Variants in MYO1D observed in about 807,000 individuals in gnomAD.
MYO1D encodes the protein myosin ID, also known as unconventional myosin-Id.
Under a neutral mutation model 122.0 loss-of-function variants are expected in MYO1D, and 83 were observed. That is an observed-to-expected ratio of 0.68 (90% CI 0.57 to 0.82). The LOEUF (loss-of-function observed/expected upper bound fraction) is 0.82. Ranked by LOEUF, MYO1D falls within the 40% of genes least tolerant of loss-of-function variation. MYO1D has a pLI of 0.00. For synonymous variants in MYO1D, 464 were observed against 446.9 expected (o/e 1.04, Z -0.48); for missense variants, 1,157 against 1,269.5 (o/e 0.91, Z 1.35).
chr17:32,609,128 C>T (rs1164013103), intron 20 of MYO1D, among the ~76,000 whole-genome samples: 1 of 152,188 alleles, frequency 6.6e-6, no homozygotes, highest in Non-Finnish European at 1.5e-5. Flanking sequence ...ACCACCCATG[C>T]ACGTAAATTA....
intron 13 of MYO1D, among the ~76,000 whole-genome samples, chr17:32,740,786 T>C (rs1297436184): frequency 1.3e-5 from 2 of 152,130 alleles, no homozygotes; most frequent in African/African-American, 4.8e-5. Context: ...GAATGTAATA[T>C]TAACAAAATA....
chr17:32,644,038 C>T (rs557370123), intron 19 of MYO1D, among the ~76,000 whole-genome samples: 11 of 152,138 alleles, frequency 7.2e-5, no homozygotes, highest in Admixed American at 2.0e-4. Context: ...TTCCTGCTTT[C>T]TCTTGTGGGC....
intron 4 of MYO1D, among the ~76,000 whole-genome samples, chr17:32,775,045 A>G (rs1032493741): frequency 5.9e-5 from 9 of 152,308 alleles, no homozygotes; most frequent in Admixed American, 2.0e-4. Flanking sequence ...TCATGCCTGT[A>G]ATCCCAGCAC....
chr17:32,587,055 C>T (rs1002549694), intron 21 of MYO1D, among the ~76,000 whole-genome samples: 8 of 152,176 alleles, frequency 5.3e-5, no homozygotes, highest in Non-Finnish European at 1.2e-4. Context: ...GTCTTTCCTA[C>T]CCTTGTAACA....
chr17:32,679,516 A>G (rs2088875236), intron 16 of MYO1D, among the ~76,000 whole-genome samples: 2 of 152,052 alleles, frequency 1.3e-5, no homozygotes, highest in Admixed American at 6.5e-5. Context: ...TTAAATAGGG[A>G]ATCCTTTCCC....
intron 12 of MYO1D, 73 bp downstream of exon 12, chr17:32,748,863 C>T: frequency 7.4e-7 from 1 of 1,350,634 alleles, no homozygotes; most frequent in Non-Finnish European, 1.1e-6. Context: ...AACCAATTTA[C>T]ATTTTTCCTG....
At chr17:32,685,402 G>A (rs1015556641) in intron 16 of MYO1D, among the ~76,000 whole-genome samples, 1 of 152,208 alleles carries the variant, frequency 6.6e-6, no homozygotes, top group African/African-American at 2.4e-5. Flanking sequence ...AAAGCAGCTG[G>A]TGAGCAATCT....
At chr17:32,660,018 G>C (rs956793028) in intron 16 of MYO1D, among the ~76,000 whole-genome samples, 2 of 152,004 alleles carry the variant, frequency 1.3e-5, no homozygotes, top group African/African-American at 2.4e-5. Context: ...CCTTTGTCAG[G>C]TACCCATATT....
chr17:32,592,852 G>GA (rs1257785860), intron 21 of MYO1D, among the ~76,000 whole-genome samples: 1 of 152,052 alleles, frequency 6.6e-6, no homozygotes, highest in Non-Finnish European at 1.5e-5. Context: ...ATATAGCACT[G>GA]AAAAAAACCC....
intron 20 of MYO1D, among the ~76,000 whole-genome samples, chr17:32,630,750 T>C (rs1016434329): frequency 6.6e-6 from 1 of 152,126 alleles, no homozygotes; most frequent in African/African-American, 2.4e-5. Flanking sequence ...TTTTTTTGTA[T>C]TTTTAGTAAA....
chr17:32,604,839 A>C (rs2087606798), intron 21 of MYO1D, among the ~76,000 whole-genome samples: 2 of 152,230 alleles, frequency 1.3e-5, no homozygotes, highest in Non-Finnish European at 2.9e-5. Flanking sequence ...AGTGGAATAA[A>C]AATCACCATT....
At chr17:32,701,681 G>T (rs1052887319) in intron 16 of MYO1D, among the ~76,000 whole-genome samples, 2 of 152,068 alleles carry the variant, frequency 1.3e-5, no homozygotes, top group Non-Finnish European at 2.9e-5. Context: ...TCCTGCCTCA[G>T]GCTTCTGAGT....
chr17:32,745,189 A>G (rs1226276553), intron 13 of MYO1D, 22 bp downstream of exon 13: 3 of 1,276,240 alleles, frequency 2.4e-6, no homozygotes, highest in Admixed American at 1.9e-5. Context: ...TCTAGAGTTA[A>G]TTAATAAAAT....
intron 21 of MYO1D, among the ~76,000 whole-genome samples, chr17:32,536,660 TTAATGA>T (rs1376772143): frequency 5.3e-5 from 8 of 152,348 alleles, no homozygotes; most frequent in Non-Finnish European, 1.0e-4. Flanking sequence ...AGCTGGGAAA[TTAATGA>T]TAGTATGAAT....
intron 16 of MYO1D, among the ~76,000 whole-genome samples, chr17:32,695,429 CTTAGATTACAG>C (rs1162578381): frequency 1.3e-5 from 2 of 152,228 alleles, no homozygotes; most frequent in Non-Finnish European, 2.9e-5. Context: ...GGACCCCTGC[CTTAGATTACAG>C]CAACAGGCTC....
chr17:32,876,576 A>G (rs1396281925), intron 1 of MYO1D, among the ~76,000 whole-genome samples: 1 of 151,820 alleles, frequency 6.6e-6, no homozygotes, highest in African/African-American at 2.4e-5. Context: ...CCCGCACCCC[A>G]AAGCGGCCGC....
At chr17:32,533,884 T>C (rs1597881059) in intron 21 of MYO1D, among the ~76,000 whole-genome samples, 1 of 152,206 alleles carries the variant, frequency 6.6e-6, no homozygotes, top group Non-Finnish European at 1.5e-5. Flanking sequence ...AAATTAAAAT[T>C]AAAAATGGGA....
intron 1 of MYO1D, among the ~76,000 whole-genome samples, chr17:32,834,378 T>C (rs1462072732): frequency 6.6e-6 from 1 of 152,152 alleles, no homozygotes; most frequent in South Asian, 2.1e-4. Flanking sequence ...CCCTGCCCCA[T>C]AACCAGAACC....
chr17:32,772,878 A>C, intron 4 of MYO1D, 36 bp from the exon 5 acceptor site: 1 of 1,570,690 alleles, frequency 6.4e-7, no homozygotes, highest in Non-Finnish European at 8.8e-7. Flanking sequence ...TAACCCGAAA[A>C]TGTGCCCCTA....
Sources: allele counts gnomAD v4.1 joint callset (sites outside exome capture counted in the v4.1 genomes callset), GRCh38; gene constraint gnomAD v4.1.1; transcripts MANE v1.5; gene names NCBI Gene and HGNC (gene_info 2026-07-23, HGNC 2026-07-21).